The following GNAZ variants were observed in gnomAD, a reference collection of about 807,000 sequenced individuals.
The protein encoded by GNAZ is guanine nucleotide-binding protein G(z) subunit alpha.
In GNAZ, 3 loss-of-function variants were observed where a neutral mutation model predicts 25.4. The observed-to-expected ratio is 0.12, with a 90% CI of 0.05 to 0.30. The LOEUF is 0.30. Among genes scored for constraint, GNAZ ranks in the 10% least tolerant of loss-of-function variants. The pLI is 1.00. For missense variants in GNAZ, 241 were observed against 501.8 expected, an observed-to-expected ratio of 0.48 and a Z score of 4.97; for synonymous variants, 211 against 205.7, an observed-to-expected ratio of 1.03 and a Z score of -0.22.
rs139709338 is a variant in GNAZ at position 23,106,730 on chromosome 22, C to A, written c.723+10312C>A. 1.8e-3 allele frequency among the ~76,000 whole-genome samples: 280 copies of A among 152,376 alleles called. 1 individual carries two copies. The highest frequency in any genetic ancestry group is 5.0e-3 in the African/African-American group (208 of 41,592). ...GAGCCTGGCGCAGGGCATGCTGGTG[C>A]ACTGCATGCACAACCTCTAAGCCTC... On this transcript the variant is annotated intron_variant, in intron 2 of 2. Coordinates refer to ENST00000615612, the MANE Select transcript of GNAZ (RefSeq NM_002073.4).
intron 1 of GNAZ, among the ~76,000 whole-genome samples, chr22:23,092,232 G>A (rs2069000046): frequency 2.0e-5 from 3 of 152,220 alleles, no homozygotes; most frequent in Admixed American, 2.0e-4. Context: ...AGAGAGGGCT[G>A]GCTAGAGCCT....
chr22:23,082,122 CTCAAAAAAAAA>C, intron 1 of GNAZ, among the ~76,000 whole-genome samples: 1 of 121,262 alleles, frequency 8.2e-6, no homozygotes. Flanking sequence ...AAGACTCCGC[CTCAAAAAAAAA>C]ACAAAAAAAA....
At chr22:23,074,649 G>C (rs1455246275) in intron 1 of GNAZ, among the ~76,000 whole-genome samples, 1 of 152,184 alleles carries the variant, frequency 6.6e-6, no homozygotes, top group Admixed American at 6.5e-5. Flanking sequence ...GGCTGAGCTG[G>C]GCTCCTGGGC....
At chr22:23,088,359 C>CTGTG (rs2068872874) in intron 1 of GNAZ, among the ~76,000 whole-genome samples, 1 of 152,150 alleles carries the variant, frequency 6.6e-6, no homozygotes, top group Non-Finnish European at 1.5e-5. Flanking sequence ...GAGGAAGGGC[C>CTGTG]TGTGGTCACA....
chr22:23,108,591 A>G (rs2069551861), intron 2 of GNAZ, among the ~76,000 whole-genome samples: 1 of 152,238 alleles, frequency 6.6e-6, no homozygotes, highest in Admixed American at 6.5e-5. Context: ...TCCTGAGGAG[A>G]CATGACCATG....
chr22:23,074,881 AT>A (rs1403388133), intron 1 of GNAZ, among the ~76,000 whole-genome samples: 1 of 152,088 alleles, frequency 6.6e-6, no homozygotes, highest in African/African-American at 2.4e-5. Flanking sequence ...TTTGAAAATT[AT>A]TAAGGGCCTG....
chr22:23,090,160 G>T (rs921098091), intron 1 of GNAZ, among the ~76,000 whole-genome samples: 6 of 152,104 alleles, frequency 3.9e-5, no homozygotes, highest in Non-Finnish European at 8.8e-5. Context: ...GCACAGCAGG[G>T]TCCTGTACCA....
intron 2 of GNAZ, among the ~76,000 whole-genome samples, chr22:23,099,598 G>A (rs931105550): frequency 5.9e-5 from 9 of 152,238 alleles, no homozygotes; most frequent in South Asian, 4.1e-4. Context: ...TGGCGCTGGC[G>A]GGCCCCCAGC....
chr22:23,121,791 G>A (rs957001440), intron 2 of GNAZ, among the ~76,000 whole-genome samples: 36 of 149,494 alleles, frequency 2.4e-4, no homozygotes, highest in Admixed American at 4.7e-4. Context: ...GCATGATCTC[G>A]GCTCACTGCA....
At chr22:23,088,842 C>A (rs1241302250) in intron 1 of GNAZ, among the ~76,000 whole-genome samples, 1 of 152,160 alleles carries the variant, frequency 6.6e-6, no homozygotes, top group Non-Finnish European at 1.5e-5. Context: ...GTGGCCTGGG[C>A]TGCCTGCCAC....
chr22:23,097,489 G>T (rs1435856826), intron 2 of GNAZ, among the ~76,000 whole-genome samples: 1 of 152,204 alleles, frequency 6.6e-6, no homozygotes, highest in African/African-American at 2.4e-5. Context: ...AGGCGGGCTT[G>T]CCTCCCTCCC....
intron 2 of GNAZ, among the ~76,000 whole-genome samples, chr22:23,103,559 C>T (rs1485483474): frequency 2.6e-5 from 4 of 152,188 alleles, no homozygotes; most frequent in Admixed American, 2.6e-4. Flanking sequence ...TTTGCCAGAG[C>T]GGCTCTTCAC....
At chr22:23,107,183 G>T (rs1471136556) in intron 2 of GNAZ, among the ~76,000 whole-genome samples, 2 of 152,212 alleles carry the variant, frequency 1.3e-5, no homozygotes, top group Non-Finnish European at 2.9e-5. Flanking sequence ...TTGTCACCAG[G>T]CATAGTTGCA....
chr22:23,090,236 A>G (rs2146299075), intron 1 of GNAZ, among the ~76,000 whole-genome samples: 1 of 152,032 alleles, frequency 6.6e-6, no homozygotes, highest in East Asian at 1.9e-4. Flanking sequence ...CCCCTCTCCA[A>G]GAGCAGCCCC....
intron 1 of GNAZ, among the ~76,000 whole-genome samples, chr22:23,081,924 G>A (rs2068690343): frequency 6.6e-6 from 1 of 150,612 alleles, no homozygotes; most frequent in Admixed American, 6.6e-5. Flanking sequence ...AGGAGATCGA[G>A]ACCATCCTGG....
At chr22:23,113,890 T>G (rs1181971994) in intron 2 of GNAZ, among the ~76,000 whole-genome samples, 1 of 152,234 alleles carries the variant, frequency 6.6e-6, no homozygotes, top group African/African-American at 2.4e-5. Context: ...AGGCACCCGC[T>G]ACCGATGGAG....
chr22:23,123,413 G>A lies in GNAZ; in HGVS notation c.1050G>A (p.Lys350=). ...VTDVIIQNNL[K]YIGLC ...ACGTCATCATACAGAACAATCTCAA[G>A]TACATTGGCCTTTGCTGAGGAGCTG... The change falls in exon 3 of 3, where the codon AAG becomes AAA. Residue 350 remains lysine, a synonymous_variant. Coordinates refer to ENST00000615612, the MANE Select transcript of GNAZ (RefSeq NM_002073.4). 6 of 1,612,710 alleles carry A rather than the reference G, an allele frequency of 3.7e-6. No individual in the cohort carries two copies. The highest frequency in any genetic ancestry group is 5.1e-6 in the Non-Finnish European group (6 of 1,178,952).
intron 2 of GNAZ, among the ~76,000 whole-genome samples, chr22:23,096,844 C>T (rs1041549020): frequency 6.6e-6 from 1 of 152,188 alleles, no homozygotes. Flanking sequence ...AGGGATAATC[C>T]CAGGTCCTGG....
chr22:23,096,041 A>T lies in GNAZ; in HGVS notation c.346A>T (p.Ser116Cys). 1 of 1,606,866 alleles carries T rather than the reference A, an allele frequency of 6.2e-7. No homozygotes were observed. Among genetic ancestry groups the T allele is most frequent in the African/African-American group, 1.3e-5 (1 of 75,034 alleles). ...QLFALTGPAE[S>C]KGEITPELLG... ...CTTTGCGCTGACGGGCCCCGCTGAG[A>T]GCAAGGGCGAGATCACACCCGAGCT... Residue 116 changes from serine (S) to cysteine (C), a missense_variant, in exon 2 of 3, where the codon AGC (serine) becomes TGC (cysteine). Transcript: ENST00000615612.
Sources: allele counts gnomAD v4.1 joint callset (sites outside exome capture counted in the v4.1 genomes callset), GRCh38; gene constraint gnomAD v4.1.1; transcripts MANE v1.5; gene names NCBI Gene and HGNC (gene_info 2026-07-23, HGNC 2026-07-21).